The following BRINP3 variants were observed in gnomAD, a reference collection of about 807,000 sequenced individuals.
BRINP3 encodes BMP/retinoic acid-inducible neural-specific protein 3.
A neutral mutation model predicts 71.0 loss-of-function variants in BRINP3; 19 were observed. The observed-to-expected ratio is 0.27, with a 90% confidence interval of 0.19 to 0.39. The LOEUF is 0.39. Among genes scored for constraint, BRINP3 ranks in the 10% least tolerant of loss-of-function variants. The pLI, the probability that BRINP3 is intolerant of heterozygous loss-of-function variation, is 1.00. For synonymous variants in BRINP3, 380 were observed against 337.7 expected (o/e 1.13, Z -1.37); for missense variants, 959 against 940.8 (o/e 1.02, Z -0.25).
At chr1:190,460,218 A>G (rs1360284223) in intron 1 of BRINP3, among the ~76,000 whole-genome samples, 1 of 151,022 alleles carries the variant, frequency 6.6e-6, no homozygotes, top group East Asian at 1.9e-4. Flanking sequence ...ATATTATTCT[A>G]TTAAATCTAT....
At chr1:190,136,046 T>C (rs1268142937) in intron 7 of BRINP3, among the ~76,000 whole-genome samples, 1 of 152,020 alleles carries the variant, frequency 6.6e-6, no homozygotes, top group East Asian at 1.9e-4. Flanking sequence ...TGTATTTGTG[T>C]AGCAAACGTC....
intron 2 of BRINP3, among the ~76,000 whole-genome samples, chr1:190,287,668 C>T (rs1455124402): frequency 1.3e-5 from 2 of 152,026 alleles, no homozygotes; most frequent in Non-Finnish European, 2.9e-5. Flanking sequence ...CTACAGAAGA[C>T]AATTGGCATG....
chr1:190,144,813 C>T lies in BRINP3; in HGVS notation c.1184+15855G>A, dbSNP rs570100485. Reference sequence around the variant, plus strand: ...TATTACTATACTCTCCATGGGAAGCCACAGGGGCTCCTCATGATTCCTGGA... The same window carrying T: ...TATTACTATACTCTCCATGGGAAGCTACAGGGGCTCCTCATGATTCCTGGA... On this transcript the variant is annotated intron_variant, in intron 7 of 7. Transcript: ENST00000367462. Among the ~76,000 whole-genome samples, 8 of 152,192 alleles carry T rather than the reference C, an allele frequency of 5.3e-5. No homozygotes were observed. The East Asian group carries it at 1.6e-3, about 30-fold the overall frequency.
chr1:190,367,372 G>A (rs889139538), intron 2 of BRINP3, among the ~76,000 whole-genome samples: 5 of 152,152 alleles, frequency 3.3e-5, no homozygotes, highest in African/African-American at 2.4e-5. Flanking sequence ...ACCATGTCCC[G>A]AGGCTGCACA....
chr1:190,278,898 G>C (rs565641766), intron 3 of BRINP3, among the ~76,000 whole-genome samples: 1 of 151,082 alleles, frequency 6.6e-6, no homozygotes, highest in South Asian at 2.1e-4. Context: ...CGAATCTTAA[G>C]GCCAAAATGT....
intron 1 of BRINP3, among the ~76,000 whole-genome samples, chr1:190,471,494 T>G (rs760475746): frequency 2.6e-5 from 4 of 151,332 alleles, no homozygotes; most frequent in Non-Finnish European, 4.5e-5. Flanking sequence ...TAGTAGTGCA[T>G]GAAGAAAGTG....
chr1:190,102,841 G>C (rs774666559), intron 7 of BRINP3, among the ~76,000 whole-genome samples: 1 of 151,896 alleles, frequency 6.6e-6, no homozygotes, highest in Non-Finnish European at 1.5e-5. Flanking sequence ...AAATCTTTTA[G>C]GTGAAAGAAT....
intron 7 of BRINP3, among the ~76,000 whole-genome samples, chr1:190,107,359 C>T (rs1341413907): frequency 6.6e-6 from 1 of 151,858 alleles, no homozygotes; most frequent in Non-Finnish European, 1.5e-5. Context: ...CTAAATATGT[C>T]ATGTACAATT....
intron 2 of BRINP3, among the ~76,000 whole-genome samples, chr1:190,410,934 C>G (rs1293796814): frequency 1.3e-5 from 2 of 152,016 alleles, no homozygotes; most frequent in Non-Finnish European, 2.9e-5. Context: ...AAAATCCCAA[C>G]AGTTTTTTAA....
chr1:190,225,487 T>C (rs565755326), intron 6 of BRINP3, among the ~76,000 whole-genome samples: 2 of 151,902 alleles, frequency 1.3e-5, no homozygotes, highest in African/African-American at 4.8e-5. Context: ...GGAAGGGTAG[T>C]GGGGGCTGGG....
intron 4 of BRINP3, among the ~76,000 whole-genome samples, chr1:190,257,978 G>A (rs1660822455): frequency 6.6e-6 from 1 of 152,184 alleles, no homozygotes; most frequent in African/African-American, 2.4e-5. Flanking sequence ...CATTCTCTGA[G>A]CTCAAACACC....
At chr1:190,149,347 C>G (rs1038177959) in intron 7 of BRINP3, among the ~76,000 whole-genome samples, 1 of 152,176 alleles carries the variant, frequency 6.6e-6, no homozygotes, top group African/African-American at 2.4e-5. Flanking sequence ...TGGTCAGCTT[C>G]AGCTTCATTC....
chr1:190,247,287 C>T (rs903745318), intron 4 of BRINP3, among the ~76,000 whole-genome samples: 1 of 151,792 alleles, frequency 6.6e-6, no homozygotes, highest in Non-Finnish European at 1.5e-5. Context: ...AAATAATTTA[C>T]CTGCAATACC....
chr1:190,231,780 T>C (rs922484549), intron 5 of BRINP3, among the ~76,000 whole-genome samples: 1 of 151,886 alleles, frequency 6.6e-6, no homozygotes, highest in Non-Finnish European at 1.5e-5. Context: ...TCAAAGTCCA[T>C]CTTTTATATA....
At chr1:190,350,541 C>G (rs1168396549) in intron 2 of BRINP3, among the ~76,000 whole-genome samples, 1 of 152,068 alleles carries the variant, frequency 6.6e-6, no homozygotes, top group African/African-American at 2.4e-5. Context: ...CACTAATAAC[C>G]ATGTGCATCC....
intron 2 of BRINP3, among the ~76,000 whole-genome samples, chr1:190,429,055 C>A (rs1183264373): frequency 1.3e-5 from 2 of 152,054 alleles, no homozygotes; most frequent in Admixed American, 6.6e-5. Flanking sequence ...AGCTACTTTA[C>A]ATTTACTCAT....
At chr1:190,129,314 C>T (rs1654342292) in intron 7 of BRINP3, among the ~76,000 whole-genome samples, 1 of 151,676 alleles carries the variant, frequency 6.6e-6, no homozygotes, top group African/African-American at 2.4e-5. Flanking sequence ...TTTAAAGAAA[C>T]AGAGTTATCT....
At chr1:190,115,205 TTAG>T (rs1653029399) in intron 7 of BRINP3, among the ~76,000 whole-genome samples, 1 of 152,188 alleles carries the variant, frequency 6.6e-6, no homozygotes, top group East Asian at 1.9e-4. Flanking sequence ...ATAGGCATAG[TTAG>T]TAGGTACAAA....
chr1:190,184,008 G>A (rs751319868), intron 6 of BRINP3, among the ~76,000 whole-genome samples: 1 of 151,940 alleles, frequency 6.6e-6, no homozygotes, highest in Non-Finnish European at 1.5e-5. Context: ...TGTTCCCATT[G>A]GTATTTTCAA....
Sources: allele counts gnomAD v4.1 joint callset (sites outside exome capture counted in the v4.1 genomes callset), GRCh38; gene constraint gnomAD v4.1.1; transcripts MANE v1.5; gene names NCBI Gene and HGNC (gene_info 2026-07-23, HGNC 2026-07-21).